The following SLC14A2 variants were observed in gnomAD, a reference collection of about 807,000 sequenced individuals.
The protein encoded by SLC14A2 is urea transporter 2.
SLC14A2 carries 91 observed loss-of-function variants against 104.6 expected under a neutral mutation model. The observed-to-expected ratio is 0.87, with a 90% confidence interval of 0.73 to 1.04. SLC14A2 has a LOEUF of 1.04. Ranked by LOEUF, SLC14A2 falls within the 50% of genes least tolerant of loss-of-function variation. The probability of loss-of-function intolerance (pLI) is 0.00; values close to 1 mark genes in which losing one functional copy is unlikely to be tolerated. For synonymous variants in SLC14A2, 476 were observed against 466.4 expected (o/e 1.02, Z -0.27); for missense variants, 1,189 against 1,156.0 (o/e 1.03, Z -0.41).
chr18:45,611,794 G>C (rs73953239), upstream of SLC14A2, among the ~76,000 whole-genome samples: 467 of 152,230 alleles, frequency 3.1e-3, 5 homozygotes, highest in African/African-American at 0.011. Flanking sequence ...TCACATCACT[G>C]ACCCTGCAAA....
At chr18:45,225,382 T>A (rs1349617690) in intron 1 of SLC14A2, among the ~76,000 whole-genome samples, 2 of 152,160 alleles carry the variant, frequency 1.3e-5, no homozygotes, top group African/African-American at 2.4e-5. Context: ...CCATGCTGTT[T>A]TGGTTACTGT....
intron 1 of SLC14A2, among the ~76,000 whole-genome samples, chr18:45,314,141 G>A (rs1208257122): frequency 1.3e-5 from 2 of 152,214 alleles, no homozygotes; most frequent in Non-Finnish European, 2.9e-5. Context: ...TGGCCACAGA[G>A]GCCAAAGAAC....
At chr18:45,463,247 A>G (rs945401262) in intron 1 of SLC14A2, among the ~76,000 whole-genome samples, 2 of 152,196 alleles carry the variant, frequency 1.3e-5, no homozygotes, top group Non-Finnish European at 2.9e-5. Context: ...AGGGGGAGGC[A>G]GTTGGGTAGC....
intron 1 of SLC14A2, among the ~76,000 whole-genome samples, chr18:45,371,304 A>G (rs1211356862): frequency 6.6e-6 from 1 of 152,102 alleles, no homozygotes; most frequent in African/African-American, 2.4e-5. Context: ...ACCTTTTCAA[A>G]TTCCACTTTC....
chr18:45,505,352 A>C (rs2043265285), intron 2 of SLC14A2, among the ~76,000 whole-genome samples: 1 of 152,170 alleles, frequency 6.6e-6, no homozygotes, highest in Non-Finnish European at 1.5e-5. Context: ...ACTGCCTGCT[A>C]TCCATGTAAA....
At chr18:45,304,288 G>A (rs1176586767) in intron 1 of SLC14A2, among the ~76,000 whole-genome samples, 1 of 152,198 alleles carries the variant, frequency 6.6e-6, no homozygotes, top group Non-Finnish European at 1.5e-5. Flanking sequence ...TAAGAACAAT[G>A]TGAGACTATT....
chr18:45,229,122 A>C (rs543587316), intron 1 of SLC14A2, among the ~76,000 whole-genome samples: 1 of 152,334 alleles, frequency 6.6e-6, no homozygotes, highest in East Asian at 1.9e-4. Context: ...TTTCAAAAGC[A>C]GACAAGCACA....
chr18:45,191,592 T>C, the SLC14A2 span, among the ~76,000 whole-genome samples: 1 of 152,248 alleles, frequency 6.6e-6, no homozygotes, highest in East Asian at 1.9e-4. Flanking sequence ...GGGCTGTTTC[T>C]TGGGGACTTC....
chr18:45,665,688 C>CTTTTTTTTTT lies in SLC14A2; in HGVS notation c.1475-430_1475-421dup, dbSNP rs146248418. Among the ~76,000 whole-genome samples the CTTTTTTTTTT allele has an allele frequency of 1.6e-3, 129 of 79,298 alleles. 14 individuals carry two copies. Among genetic ancestry groups the CTTTTTTTTTT allele is most frequent in the African/African-American group, 6.5e-3 (118 of 18,130 alleles). 52.0% of individuals were successfully genotyped at this position (79,298 alleles called of 152,430 possible). On this transcript the variant is annotated intron_variant, in intron 11 of 19. Transcript: ENST00000255226. ...AAGGGCTTCAACAACAACCAAGTTT[C>CTTTTTTTTTT]TTTTTTTTTTTTTTTTTTTTTTTTT...
chr18:45,347,840 A>C (rs1440508935), intron 1 of SLC14A2, among the ~76,000 whole-genome samples: 1 of 152,166 alleles, frequency 6.6e-6, no homozygotes, highest in Non-Finnish European at 1.5e-5. Context: ...GCACTCAACT[A>C]CCATGCTTTT....
chr18:45,549,825 A>G (rs1351397624), intron 2 of SLC14A2, among the ~76,000 whole-genome samples: 1 of 152,196 alleles, frequency 6.6e-6, no homozygotes, highest in Non-Finnish European at 1.5e-5. Flanking sequence ...ATAACCATCC[A>G]GTACAGTAGA....
rs150355704 is a variant in SLC14A2 at position 45,258,960 on chromosome 18, G to A, written c.-125+45769G>A. The stretch of plus-strand genomic sequence containing the variant: ...CTACATCACCTCAGAGAAGTGCAGC[G>A]TCTCATCCAGGAACTACCATTCTCA... On this transcript the variant is annotated intron_variant, in intron 1 of 20. Transcript: ENST00000586448. Among the ~76,000 whole-genome samples the A allele has an allele frequency of 6.6e-5, 10 of 152,304 alleles. No homozygotes were observed. The East Asian group carries it at 1.7e-3, about 26-fold the overall frequency.
At chr18:45,495,048 A>G (rs767220100) in intron 2 of SLC14A2, among the ~76,000 whole-genome samples, 1 of 152,084 alleles carries the variant, frequency 6.6e-6, no homozygotes, top group Non-Finnish European at 1.5e-5. Flanking sequence ...TCCCAGCTTC[A>G]TATTTCCTCA....
At chr18:45,465,249 G>T (rs2087119357) in intron 1 of SLC14A2, among the ~76,000 whole-genome samples, 1 of 152,198 alleles carries the variant, frequency 6.6e-6, no homozygotes, top group Admixed American at 6.5e-5. Flanking sequence ...ATATTTGGGG[G>T]TTCAGTGAGA....
intron 1 of SLC14A2, among the ~76,000 whole-genome samples, chr18:45,427,905 A>C (rs7244641): frequency 0.17 from 25,222 of 152,120 alleles, 3,093 homozygotes; most frequent in African/African-American, 0.32. Context: ...CGCTCTCCTC[A>C]TCTGTCAGAT....
intron 10 of SLC14A2, among the ~76,000 whole-genome samples, chr18:45,645,261 A>G (rs930978295): frequency 6.6e-6 from 1 of 152,150 alleles, no homozygotes; most frequent in Non-Finnish European, 1.5e-5. Flanking sequence ...CATCCAGTCT[A>G]TCAAGACTTT....
intron 2 of SLC14A2, among the ~76,000 whole-genome samples, chr18:45,587,996 G>T (rs1384552424): frequency 6.6e-6 from 1 of 152,106 alleles, no homozygotes; most frequent in Non-Finnish European, 1.5e-5. Flanking sequence ...GTTGCAGGGG[G>T]GCGCTAGGGC....
chr18:45,537,768 A>G (rs1009658622), intron 2 of SLC14A2, among the ~76,000 whole-genome samples: 2 of 152,194 alleles, frequency 1.3e-5, no homozygotes, highest in Non-Finnish European at 2.9e-5. Flanking sequence ...GCAAGCATCC[A>G]GATAAGAGTT....
chr18:45,379,962 A>C (rs2085816493), intron 1 of SLC14A2, among the ~76,000 whole-genome samples: 1 of 152,072 alleles, frequency 6.6e-6, no homozygotes. Flanking sequence ...TGCCCACCCC[A>C]CCTTCCTCGC....
Sources: gnomAD v4.1 joint callset for allele counts (sites outside exome capture counted in the v4.1 genomes callset) on GRCh38, gnomAD v4.1.1 for gene constraint, MANE v1.5 for transcripts, NCBI Gene and HGNC (gene_info 2026-07-23, HGNC 2026-07-21) for gene names.